The following RIN2 variants were observed in gnomAD, a reference collection of about 807,000 sequenced individuals.
RIN2 encodes the protein RAB5 interacting protein 2.
A neutral mutation model predicts 78.0 loss-of-function variants in RIN2; 36 were observed. The ratio of observed to expected loss-of-function variants is 0.46; its 90% confidence interval spans 0.35 to 0.61. RIN2 has a LOEUF of 0.61. RIN2 is among the 20% of genes least tolerant of loss of function. The pLI is 0.00. For missense variants in RIN2, 1,087 were observed against 1,159.7 expected (o/e 0.94, Z 0.91); for synonymous variants, 466 against 466.8 (o/e 1.00, Z 0.02).
chr20:19,917,204 T>C (rs2039722460), intron 3 of RIN2, among the ~76,000 whole-genome samples: 2 of 151,614 alleles, frequency 1.3e-5, no homozygotes, highest in South Asian at 4.2e-4. Context: ...GTGAGGAACA[T>C]AATTAAATAG....
At chr20:19,967,869 A>G (rs1012086622) in intron 7 of RIN2, among the ~76,000 whole-genome samples, 57 of 152,308 alleles carry the variant, frequency 3.7e-4, no homozygotes, top group African/African-American at 1.3e-3. Flanking sequence ...TGTACTAAGC[A>G]CCATACATAC....
At chr20:19,853,649 T>G (rs1404582660) in intron 2 of RIN2, among the ~76,000 whole-genome samples, 1 of 152,260 alleles carries the variant, frequency 6.6e-6, no homozygotes, top group Non-Finnish European at 1.5e-5. Context: ...ATGAGCATTT[T>G]TTCATGTGTC....
Position 19,896,176 on chromosome 20 carries a change from A to AT in RIN2, c.57+6526dup, listed in dbSNP as rs572434304. On this transcript the variant is annotated intron_variant, in intron 3 of 12. Coordinates refer to ENST00000255006, the MANE Select transcript of RIN2 (RefSeq NM_018993.4). ...ATTTTAGTCAGTAATTTCTTTTTTTATTTTTTTTATTTTTATTTTTATGTT... is the reference window on the plus strand; with the variant it reads ...ATTTTAGTCAGTAATTTCTTTTTTTATTTTTTTTTATTTTTATTTTTATGTT... Among the ~76,000 whole-genome samples, 129 of 151,924 alleles carry AT rather than the reference A, an allele frequency of 8.5e-4. 1 individual carries two copies. The highest frequency in any genetic ancestry group is 3.4e-3 in the Middle Eastern group (1 of 292).
At chr20:19,920,212 C>A (rs899919804) in intron 3 of RIN2, among the ~76,000 whole-genome samples, 1 of 150,074 alleles carries the variant, frequency 6.7e-6, no homozygotes, top group Non-Finnish European at 1.5e-5. Context: ...AGGAGAATGG[C>A]GTGAACCCGG....
chr20:19,935,431 G>A, intron 4 of RIN2: 1 of 1,268,642 alleles, frequency 7.9e-7, no homozygotes, highest in South Asian at 2.9e-5. Flanking sequence ...AATTCCTCCT[G>A]GCACCAGAAC....
chr20:19,924,129 C>G (rs1186663286), intron 3 of RIN2, among the ~76,000 whole-genome samples: 4 of 103,534 alleles, frequency 3.9e-5, no homozygotes, highest in Non-Finnish European at 5.8e-5. Flanking sequence ...CCCACCTTTT[C>G]ATACCCCCAC....
intron 3 of RIN2, among the ~76,000 whole-genome samples, chr20:19,891,186 T>G (rs1568576955): frequency 6.6e-6 from 1 of 152,194 alleles, no homozygotes; most frequent in African/African-American, 2.4e-5. Context: ...GACAAAGTAG[T>G]CTCAGTTCTC....
chr20:19,760,458 C>G (rs1044073354), intron 1 of RIN2, among the ~76,000 whole-genome samples: 3 of 152,144 alleles, frequency 2.0e-5, no homozygotes, highest in African/African-American at 7.2e-5. Context: ...ATGGCTATGG[C>G]GTGTGCTTAT....
intron 3 of RIN2, among the ~76,000 whole-genome samples, chr20:19,900,689 G>C (rs565861838): frequency 2.0e-5 from 3 of 151,088 alleles, no homozygotes; most frequent in African/African-American, 7.3e-5. Context: ...GGTGGCTCAC[G>C]CCTGTAATCC....
chr20:19,820,400 T>C (rs2035891937), intron 2 of RIN2, among the ~76,000 whole-genome samples: 1 of 152,212 alleles, frequency 6.6e-6, no homozygotes, highest in Admixed American at 6.5e-5. Flanking sequence ...AGTAATGCAC[T>C]ACAGACTCTT....
intron 1 of RIN2, among the ~76,000 whole-genome samples, chr20:19,790,594 A>T (rs979706352): frequency 2.6e-5 from 4 of 152,168 alleles, no homozygotes; most frequent in Admixed American, 2.6e-4. Context: ...GAGGAGTTCA[A>T]GGCCAGCCTG....
chr20:19,833,944 C>T (rs2036328270), intron 2 of RIN2, among the ~76,000 whole-genome samples: 1 of 152,104 alleles, frequency 6.6e-6, no homozygotes, highest in South Asian at 2.1e-4. Flanking sequence ...CCTGCTTGTC[C>T]CCGTCCCCTT....
intron 2 of RIN2, among the ~76,000 whole-genome samples, chr20:19,839,152 C>T (rs1040480685): frequency 6.6e-6 from 1 of 152,208 alleles, no homozygotes; most frequent in African/African-American, 2.4e-5. Context: ...CAGCTTTAAC[C>T]TTTGCCTGAC....
chr20:19,831,392 G>A (rs193242263), intron 2 of RIN2, among the ~76,000 whole-genome samples: 1 of 152,220 alleles, frequency 6.6e-6, no homozygotes, highest in East Asian at 1.9e-4. Flanking sequence ...GATGGATTGA[G>A]GGATGCGTAG....
intron 2 of RIN2, among the ~76,000 whole-genome samples, chr20:19,841,570 T>G (rs913287570): frequency 2.4e-4 from 36 of 152,152 alleles, no homozygotes; most frequent in Non-Finnish European, 2.2e-4. Context: ...AAGGGGCTTA[T>G]CATGTGACAA....
At chr20:19,868,135 A>G (rs887053755) in intron 2 of RIN2, among the ~76,000 whole-genome samples, 2 of 152,218 alleles carry the variant, frequency 1.3e-5, no homozygotes, top group South Asian at 4.1e-4. Flanking sequence ...CGTGATATTT[A>G]TGCACCACGG....
At chr20:19,881,389 A>T (rs937608002) in intron 2 of RIN2, among the ~76,000 whole-genome samples, 1 of 152,168 alleles carries the variant, frequency 6.6e-6, no homozygotes, top group East Asian at 1.9e-4. Flanking sequence ...CTGATGGTGA[A>T]GGGGAAAGTT....
chr20:19,888,320 G>GA (rs1202470948), intron 2 of RIN2, among the ~76,000 whole-genome samples: 1 of 152,098 alleles, frequency 6.6e-6, no homozygotes, highest in Non-Finnish European at 1.5e-5. Context: ...TCGTGGGGCC[G>GA]AAAAAAACCT....
intron 3 of RIN2, among the ~76,000 whole-genome samples, chr20:19,919,967 GC>G (rs968487716): frequency 1.5e-4 from 23 of 152,174 alleles, no homozygotes; most frequent in Non-Finnish European, 2.9e-4. Context: ...ACTAACTGGG[GC>G]TGCCGAAAGC....
Sources: gnomAD v4.1 joint callset for allele counts (sites outside exome capture counted in the v4.1 genomes callset) on GRCh38, gnomAD v4.1.1 for gene constraint, MANE v1.5 for transcripts, NCBI Gene and HGNC (gene_info 2026-07-23, HGNC 2026-07-21) for gene names.